PDIA3: variants seen among roughly 807,000 people sequenced by gnomAD.
The protein encoded by PDIA3 is protein disulfide-isomerase A3.
A neutral mutation model predicts 56.9 loss-of-function variants in PDIA3; 16 were observed. The ratio of observed to expected loss-of-function variants is 0.28; its 90% confidence interval spans 0.19 to 0.43. PDIA3 has a LOEUF of 0.43. Among genes scored for constraint, PDIA3 ranks in the 20% least tolerant of loss-of-function variants. PDIA3 has a pLI of 1.00. For missense variants in PDIA3, 485 were observed against 621.3 expected (o/e 0.78, Z 2.33); for synonymous variants, 192 against 216.5 (o/e 0.89, Z 0.99).
At position 43,763,164 on chromosome 15, in the gene PDIA3, C is replaced by T. The variant is rs1338827291; in HGVS notation, c.560C>T (p.Thr187Met). ...AGGGATAACTACCGATTTGCACATACGAATGTTGAGTCTCTGGTGAACGAG... is the reference window on the plus strand; with the variant it reads ...AGGGATAACTACCGATTTGCACATATGAATGTTGAGTCTCTGGTGAACGAG... ...NLRDNYRFAH[T>M]NVESLVNEYD... The change falls in exon 5 of 13, where the codon ACG (threonine) becomes ATG (methionine). Residue 187 changes from threonine to methionine, a missense_variant. Physicochemically the swap from Thr to Met is moderately conservative, Grantham distance 81. Coordinates refer to ENST00000300289, the MANE Select transcript of PDIA3 (RefSeq NM_005313.5). 5 of 1,613,912 alleles carry T rather than the reference C, an allele frequency of 3.1e-6. No homozygotes were observed. Among genetic ancestry groups the T allele is most frequent in the South Asian group, 2.2e-5 (2 of 91,082 alleles).
intron 8 of PDIA3, 76 bp downstream of exon 8, chr15:43,766,986 C>G: frequency 7.7e-7 from 1 of 1,291,220 alleles, no homozygotes; most frequent in South Asian, 1.2e-5. Context: ...TTCTAAAGAA[C>G]AATAACCCTG....
In PDIA3 at chr15:43,765,451, G is replaced by T. The variant is rs1422669577; in HGVS notation, c.604G>T (p.Gly202Cys). The change falls in exon 6 of 13, where the codon GGT becomes TGT. Residue 202 changes from glycine to cysteine, a missense_variant and splice_region_variant. Physicochemically the swap from Gly to Cys is radical, Grantham distance 159 (BLOSUM62 -3). Transcript: ENST00000300289. ...AGACTTTTCTTTTTTTTTTTTAAGG[G>T]GTATCATCTTATTTCGTCCTTCACA... ...LVNEYDDNGEGIILFRPSHLT... is the reference protein window; with the variant it reads ...LVNEYDDNGECIILFRPSHLT... 5 of 1,542,238 alleles carry T rather than the reference G, an allele frequency of 3.2e-6. No individual in the cohort carries two copies. The highest frequency in any genetic ancestry group is 1.7e-5 in the Admixed American group (1 of 58,724).
chr15:43,768,092 G>A (rs1377355099), intron 8 of PDIA3, among the ~76,000 whole-genome samples: 2 of 152,068 alleles, frequency 1.3e-5, no homozygotes, highest in South Asian at 2.1e-4. Context: ...ACTCAGAATC[G>A]GGAAGATCTG....
At chr15:43,753,991 CAG>C (rs1339358893) in intron 2 of PDIA3, 89 bp downstream of exon 2, 12 of 868,492 alleles carry the variant, frequency 1.4e-5, no homozygotes, top group Non-Finnish European at 2.3e-5. Flanking sequence ...AAAAAAATAA[CAG>C]TAATAAATAG....
chr15:43,748,310 C>G (rs2086720427), intron 1 of PDIA3, among the ~76,000 whole-genome samples: 2 of 151,664 alleles, frequency 1.3e-5, no homozygotes, highest in Admixed American at 1.3e-4. Flanking sequence ...AAACCCCCGT[C>G]TCTACTAAAA....
At chr15:43,758,237 C>G (rs1026357601) in intron 3 of PDIA3, among the ~76,000 whole-genome samples, 3 of 151,834 alleles carry the variant, frequency 2.0e-5, no homozygotes, top group African/African-American at 4.8e-5. Context: ...AACTCCGTCT[C>G]AAAACAACAA....
chr15:43,767,082 G>A (rs1357704997), intron 8 of PDIA3, among the ~76,000 whole-genome samples, 172 bp downstream of exon 8: 1 of 152,186 alleles, frequency 6.6e-6, no homozygotes, highest in Admixed American at 6.5e-5. Flanking sequence ...AGGCGTGGTG[G>A]CTCACGCCTG....
chr15:43,770,928 CG>C (rs1213397140), intron 12 of PDIA3, among the ~76,000 whole-genome samples, 176 bp from the exon 13 acceptor site: 2 of 152,140 alleles, frequency 1.3e-5, no homozygotes, highest in African/African-American at 4.8e-5. Flanking sequence ...GGATTACAGG[CG>C]TGAGCCACCG....
intron 4 of PDIA3, among the ~76,000 whole-genome samples, chr15:43,762,827 G>C (rs1484814059): frequency 6.6e-6 from 1 of 152,120 alleles, no homozygotes; most frequent in Non-Finnish European, 1.5e-5. Flanking sequence ...TCAATTATGG[G>C]AAAGTAAAAT....
chr15:43,746,963 C>A (rs542260487), intron 1 of PDIA3: 2 of 554,640 alleles, frequency 3.6e-6, no homozygotes, highest in African/African-American at 3.8e-5. Context: ...TGTGGCACTT[C>A]CTATTTGCAG....
At chr15:43,751,364 A>C (rs2086743185) in intron 1 of PDIA3, among the ~76,000 whole-genome samples, 1 of 152,172 alleles carries the variant, frequency 6.6e-6, no homozygotes, top group South Asian at 2.1e-4. Flanking sequence ...ACACTTGATA[A>C]GGCACTTATC....
At chr15:43,769,178 T>C (rs2086866483) in intron 9 of PDIA3, among the ~76,000 whole-genome samples, 1 of 152,208 alleles carries the variant, frequency 6.6e-6, no homozygotes, top group Admixed American at 6.5e-5. Context: ...GAATTTTTTA[T>C]AGGGATGTGG....
intron 1 of PDIA3, chr15:43,746,945 G>A (rs1323837496): frequency 1.8e-5 from 10 of 568,332 alleles, no homozygotes; most frequent in African/African-American, 1.7e-4. Context: ...TCCTTATCTC[G>A]GTGCTCTTGT....
chr15:43,763,287 CTG>C lies in PDIA3; in HGVS notation c.602+83_602+84del, dbSNP rs2086828441. On this transcript the variant is annotated intron_variant, in intron 5 of 12. Coordinates refer to ENST00000300289, the MANE Select transcript of PDIA3 (RefSeq NM_005313.5). Reference sequence around the variant, plus strand: ...TGATTGACTGGGACAAGGTTTCACTCTGTCACCCAGGCTGGAGTGCAGTGGTG... The same window carrying C: ...TGATTGACTGGGACAAGGTTTCACTCTCACCCAGGCTGGAGTGCAGTGGTG... 7 of 1,488,028 alleles carry C rather than the reference CTG, an allele frequency of 4.7e-6. No individual in the cohort carries two copies. In the Admixed American group the frequency reaches 1.2e-4, roughly 26 times the overall value. The allele number at this position is 1,488,028 out of a possible 1,614,324, so 92.2% of individuals were successfully genotyped here.
At chr15:43,764,923 C>A (rs2086838550) in intron 5 of PDIA3, among the ~76,000 whole-genome samples, 2 of 152,110 alleles carry the variant, frequency 1.3e-5, no homozygotes, top group South Asian at 2.1e-4. Flanking sequence ...ATTTTCTAAC[C>A]CAAAATTTAG....
rs2086880673 is a variant in PDIA3, at chr15:43,771,311, C to T, written c.*93C>T. The stretch of plus-strand genomic sequence containing the variant: ...CTAGGACCCATATGGGAATTATTAC[C>T]TCTCAGGGCCGAGAGGACAGAATGG... On this transcript the variant is annotated 3_prime_UTR_variant, in exon 13 of 13. Transcript: ENST00000300289. 1.4e-5 allele frequency: 10 copies of T among 738,824 alleles called. No individual in the cohort carries two copies. The East Asian group carries it at 2.4e-4, about 17-fold the overall frequency. 45.8% of individuals were successfully genotyped at this position (738,824 alleles called of 1,614,324 possible).
At chr15:43,753,737 T>A in intron 1 of PDIA3, 87 bp from the exon 2 acceptor site, 1 of 919,976 alleles carries the variant, frequency 1.1e-6, no homozygotes, top group Non-Finnish European at 1.8e-6. Flanking sequence ...AAAGGTAGTA[T>A]TATAGTTTGA....
intron 9 of PDIA3, 122 bp from the exon 10 acceptor site, chr15:43,769,396 G>A: frequency 1.1e-6 from 1 of 874,934 alleles, no homozygotes; most frequent in Non-Finnish European, 1.8e-6. Flanking sequence ...TGTGATTTGG[G>A]TTTCCATGAC....
intron 1 of PDIA3, among the ~76,000 whole-genome samples, 168 bp from the exon 2 acceptor site, chr15:43,753,656 T>G (rs376529767): frequency 6.6e-6 from 1 of 152,222 alleles, no homozygotes; most frequent in African/African-American, 2.4e-5. Flanking sequence ...TCTTGAGAGT[T>G]CTGGTTTACT....
Sources: gnomAD v4.1 joint callset for allele counts (sites outside exome capture counted in the v4.1 genomes callset) on GRCh38, gnomAD v4.1.1 for gene constraint, MANE v1.5 for transcripts, NCBI Gene and HGNC (gene_info 2026-07-23, HGNC 2026-07-21) for gene names.